The following DPP10 variants were observed in gnomAD, a reference collection of about 807,000 sequenced individuals.
DPP10 encodes the protein inactive dipeptidyl peptidase 10.
In DPP10, 33 loss-of-function variants were observed where a neutral mutation model predicts 120.9. That is an observed-to-expected ratio of 0.27 (90% CI 0.21 to 0.37). The LOEUF (loss-of-function observed/expected upper bound fraction) is 0.37, where lower values mean the gene tolerates loss of function less well. Among genes scored for constraint, DPP10 ranks in the 10% least tolerant of loss-of-function variants. The pLI, the probability that DPP10 is intolerant of heterozygous loss-of-function variation, is 1.00. For missense variants in DPP10, 816 were observed against 942.8 expected, an observed-to-expected ratio of 0.87 and a Z score of 1.76; for synonymous variants, 337 against 326.1, an observed-to-expected ratio of 1.03 and a Z score of -0.36.
intron 3 of DPP10, among the ~76,000 whole-genome samples, chr2:115,390,199 A>G (rs2067228485): frequency 6.6e-6 from 1 of 152,220 alleles, no homozygotes; most frequent in African/African-American, 2.4e-5. Context: ...AATAGGAAAA[A>G]GGCAACTCTT....
At chr2:115,410,568 T>C (rs2068872357) in intron 3 of DPP10, among the ~76,000 whole-genome samples, 1 of 152,190 alleles carries the variant, frequency 6.6e-6, no homozygotes, top group Non-Finnish European at 1.5e-5. Context: ...CAAACCACCA[T>C]GGCACACGTT....
chr2:115,219,111 CAG>C (rs1482339832), intron 1 of DPP10, among the ~76,000 whole-genome samples: 9 of 152,038 alleles, frequency 5.9e-5, no homozygotes, highest in African/African-American at 2.2e-4. Context: ...ACAGAAAGTT[CAG>C]AGTTACATTT....
At position 115,712,739 on chromosome 2, in the gene DPP10, C is replaced by T. The variant is rs1032082280; in HGVS notation, c.577-15077C>T. On this transcript the variant is annotated intron_variant, in intron 7 of 25. Coordinates refer to ENST00000410059, the MANE Select transcript of DPP10 (RefSeq NM_020868.6). ...TTCTACAATAAGATAGAAATCAAAC[C>T]GCTACAAAATTTTATTGTAGTTATT... is the stretch of plus-strand genomic sequence containing the variant. Among the ~76,000 whole-genome samples the T allele has an allele frequency of 2.2e-4, 33 of 150,222 alleles. 1 individual carries two copies. The highest frequency in any genetic ancestry group is 2.0e-4 in the African/African-American group (8 of 40,852).
intron 1 of DPP10, among the ~76,000 whole-genome samples, chr2:114,947,357 T>G (rs1697442746): frequency 6.6e-6 from 1 of 151,848 alleles, no homozygotes; most frequent in African/African-American, 2.4e-5. Flanking sequence ...TAATACACAA[T>G]TTTTTCCATC....
chr2:115,458,363 T>A (rs538913990), intron 3 of DPP10, among the ~76,000 whole-genome samples: 2 of 152,260 alleles, frequency 1.3e-5, no homozygotes, highest in Admixed American at 1.3e-4. Context: ...TAAGCCCTGA[T>A]TCCATTTCTG....
At chr2:114,901,705 T>C (rs1013810547) in intron 1 of DPP10, among the ~76,000 whole-genome samples, 3 of 152,178 alleles carry the variant, frequency 2.0e-5, no homozygotes, top group Non-Finnish European at 4.4e-5. Flanking sequence ...AGAATTAAAA[T>C]TGAATGTGCA....
intron 5 of DPP10, among the ~76,000 whole-genome samples, chr2:115,650,411 G>GT (rs1028628523): frequency 1.0e-3 from 39 of 38,524 alleles, no homozygotes; most frequent in African/African-American, 1.9e-3. Context: ...CATGGGGAAA[G>GT]GGGGGGGGGG....
In DPP10 at chr2:115,842,477, A is replaced by G; in HGVS notation, c.*132A>G. 1 of 1,060,698 alleles carries G rather than the reference A, an allele frequency of 9.4e-7. No individual in the cohort carries two copies. 65.7% of individuals were successfully genotyped at this position (1,060,698 alleles called of 1,614,324 possible). ...GATGTCACTGGAGCAGCACGCTCAG[A>G]GACAGTGAACTAGCATTTGAATACA... On this transcript the variant is annotated 3_prime_UTR_variant, in exon 26 of 26. Coordinates refer to ENST00000410059, the MANE Select transcript of DPP10 (RefSeq NM_020868.6).
intron 1 of DPP10, among the ~76,000 whole-genome samples, chr2:115,059,800 C>A (rs1848758): frequency 0.96 from 146,129 of 152,126 alleles, 70,438 homozygotes; most frequent in East Asian, 1. Context: ...AAGCAAGCTG[C>A]GGTTAGTTCT....
At chr2:115,548,466 A>G (rs1332800128) in intron 5 of DPP10, among the ~76,000 whole-genome samples, 1 of 152,170 alleles carries the variant, frequency 6.6e-6, no homozygotes, top group Non-Finnish European at 1.5e-5. Flanking sequence ...ACACAGAAGT[A>G]CAGACAAGGC....
In DPP10 at chr2:115,836,759, C is replaced by G. The variant is rs199703828; in HGVS notation, c.2182+13C>G. ...GGAACTGCTGACAGTAAGTATTATA[C>G]TTGCCGCTGCTGTTTGATAGGGTAT... is the stretch of plus-strand genomic sequence containing the variant. On this transcript the variant is annotated intron_variant, in intron 24 of 25. Transcript: ENST00000410059. 131 of 1,607,054 alleles carry G rather than the reference C, an allele frequency of 8.2e-5. No individual in the cohort carries two copies. The highest frequency in any genetic ancestry group is 5.1e-4 in the Middle Eastern group (3 of 5,844).
At chr2:114,829,536 T>TTTC (rs1344426857) in intron 1 of DPP10, among the ~76,000 whole-genome samples, 1 of 146,930 alleles carries the variant, frequency 6.8e-6, no homozygotes, top group African/African-American at 2.5e-5. Flanking sequence ...CTCAGCTAAT[T>TTTC]TTTTTTTTTT....
chr2:115,698,803 G>A (rs2091729948), intron 7 of DPP10, among the ~76,000 whole-genome samples: 1 of 151,868 alleles, frequency 6.6e-6, no homozygotes, highest in African/African-American at 2.4e-5. Flanking sequence ...GTTATGGAAG[G>A]CTGAAAGGAT....
chr2:115,741,975 TAATA>T (rs1292121075), intron 9 of DPP10, among the ~76,000 whole-genome samples: 2 of 152,176 alleles, frequency 1.3e-5, no homozygotes, highest in Non-Finnish European at 2.9e-5. Flanking sequence ...TAATGTCTTC[TAATA>T]AATTAATATT....
At chr2:114,776,658 G>T (rs1384464023) in intron 1 of DPP10, among the ~76,000 whole-genome samples, 4 of 151,974 alleles carry the variant, frequency 2.6e-5, no homozygotes, top group Non-Finnish European at 5.9e-5. Context: ...GGTGGGAGCT[G>T]ACAAACACTA....
At chr2:114,564,729 T>C (rs1573666590) in intron 1 of DPP10, among the ~76,000 whole-genome samples, 2 of 152,064 alleles carry the variant, frequency 1.3e-5, no homozygotes, top group East Asian at 3.9e-4. Context: ...TGAAGGAAGA[T>C]GAATGAAAAG....
intron 1 of DPP10, among the ~76,000 whole-genome samples, chr2:115,103,146 T>G (rs1021983622): frequency 1.8e-4 from 28 of 152,082 alleles, no homozygotes; most frequent in African/African-American, 6.7e-4. Context: ...GGGTTTTCAG[T>G]TGGGTTATTC....
intron 3 of DPP10, among the ~76,000 whole-genome samples, chr2:115,449,107 T>A (rs937398040): frequency 6.6e-6 from 1 of 152,110 alleles, no homozygotes; most frequent in Non-Finnish European, 1.5e-5. Context: ...AACCCATGTA[T>A]TTGAGATAAA....
chr2:114,553,361 C>T (rs142004134), intron 1 of DPP10, among the ~76,000 whole-genome samples: 24 of 152,292 alleles, frequency 1.6e-4, no homozygotes, highest in East Asian at 7.7e-4. Context: ...GGAGTTGAAA[C>T]GCAGCTCCTT....
Sources: allele counts gnomAD v4.1 joint callset (sites outside exome capture counted in the v4.1 genomes callset), GRCh38; gene constraint gnomAD v4.1.1; transcripts MANE v1.5; gene names NCBI Gene and HGNC (gene_info 2026-07-23, HGNC 2026-07-21).